PDE1C: variants seen among roughly 807,000 people sequenced by gnomAD.
PDE1C encodes dual specificity calcium/calmodulin-dependent 3',5'-cyclic nucleotide phosphodiesterase 1C.
A neutral mutation model predicts 93.1 loss-of-function variants in PDE1C; 62 were observed. That is an observed-to-expected ratio of 0.67 (90% CI 0.54 to 0.82). The LOEUF is 0.82. Ranked by LOEUF, PDE1C falls within the 40% of genes least tolerant of loss-of-function variation. The pLI is 0.00. For synonymous variants in PDE1C, 325 were observed against 310.1 expected (o/e 1.05, Z -0.50); for missense variants, 742 against 884.6 (o/e 0.84, Z 2.04).
At chr7:32,414,605 A>G (rs1451041582) in intron 1 of PDE1C, among the ~76,000 whole-genome samples, 1 of 152,162 alleles carries the variant, frequency 6.6e-6, no homozygotes, top group Non-Finnish European at 1.5e-5. Flanking sequence ...AGAAGTTGGC[A>G]TTTGGTAGCA....
At chr7:32,221,810 G>GT (rs1214129280) in intron 1 of PDE1C, among the ~76,000 whole-genome samples, 1 of 152,168 alleles carries the variant, frequency 6.6e-6, no homozygotes, top group African/African-American at 2.4e-5. Flanking sequence ...TTGATACTGT[G>GT]TAAGTGTGAG....
chr7:32,182,203 C>T (rs981092565), intron 2 of PDE1C, among the ~76,000 whole-genome samples: 1 of 152,174 alleles, frequency 6.6e-6, no homozygotes, highest in African/African-American at 2.4e-5. Flanking sequence ...GGATTCACAG[C>T]CGAATTCTAC....
At chr7:31,782,595 C>T (rs1256738772) in intron 16 of PDE1C, among the ~76,000 whole-genome samples, 7 of 152,154 alleles carry the variant, frequency 4.6e-5, no homozygotes, top group Admixed American at 4.6e-4. Context: ...TTCAGTATCA[C>T]CACTAGAGGG....
chr7:31,672,835 C>G, the PDE1C span, among the ~76,000 whole-genome samples: 1 of 152,146 alleles, frequency 6.6e-6, no homozygotes, highest in Non-Finnish European at 1.5e-5. Flanking sequence ...AATTATAATT[C>G]CCATGTGTCG....
chr7:31,994,456 C>G (rs1414735015), intron 2 of PDE1C, among the ~76,000 whole-genome samples: 1 of 152,090 alleles, frequency 6.6e-6, no homozygotes, highest in Non-Finnish European at 1.5e-5. Flanking sequence ...AGCCGGATGA[C>G]CCTATGACCT....
At chr7:32,025,698 C>T (rs916592330) in intron 2 of PDE1C, among the ~76,000 whole-genome samples, 3 of 152,160 alleles carry the variant, frequency 2.0e-5, no homozygotes, top group Non-Finnish European at 4.4e-5. Flanking sequence ...AGATCAGTTA[C>T]TGGCTGGCTC....
At chr7:32,298,768 A>C (rs2128901389) in exon 1 of PDE1C, 1 of 1,562,542 alleles carries the variant, frequency 6.4e-7, no homozygotes, top group Non-Finnish European at 8.6e-7. Context: ...CCTCGCAGCG[A>C]GACCAGCGGC....
chr7:32,419,603 T>C (rs1036102868), intron 1 of PDE1C, among the ~76,000 whole-genome samples: 14 of 152,302 alleles, frequency 9.2e-5, no homozygotes, highest in Admixed American at 2.6e-4. Flanking sequence ...CTAAAGAATG[T>C]TCCCAACCTT....
intron 2 of PDE1C, among the ~76,000 whole-genome samples, chr7:32,002,776 T>C (rs1785648261): frequency 6.6e-6 from 1 of 152,170 alleles, no homozygotes; most frequent in African/African-American, 2.4e-5. Flanking sequence ...TCCCTCTTCC[T>C]TTGAACTGGG....
intron 1 of PDE1C, among the ~76,000 whole-genome samples, chr7:32,052,824 T>A (rs1403433454): frequency 1.3e-5 from 2 of 152,216 alleles, no homozygotes; most frequent in African/African-American, 4.8e-5. Context: ...GATATCTATT[T>A]ACCTGAAAGG....
chr7:31,751,776 T>C lies in PDE1C; in HGVS notation c.*1608A>G, dbSNP rs1467922348. ...ATTATAAATAAACTGCCCAATAGCATGGTAGGCACTAAATTCCGGAACTTG... is the reference window on the plus strand; with the variant it reads ...ATTATAAATAAACTGCCCAATAGCACGGTAGGCACTAAATTCCGGAACTTG... On this transcript the variant is annotated 3_prime_UTR_variant, in exon 18 of 18. Coordinates refer to ENST00000396191, the MANE Select transcript of PDE1C (RefSeq NM_001191057.4). 1.3e-5 allele frequency: 2 copies of C among 152,176 alleles called. No homozygotes were observed. Among genetic ancestry groups the C allele is most frequent in the African/African-American group, 4.8e-5 (2 of 41,430 alleles). The allele number at this position is 152,176 out of a possible 1,614,324, so 9.4% of individuals were successfully genotyped here. A position where few individuals can be genotyped will look rare whatever the true frequency, so the allele number is the denominator to read the frequency against.
intron 1 of PDE1C, among the ~76,000 whole-genome samples, chr7:32,318,748 T>G (rs1783223808): frequency 6.6e-6 from 1 of 152,158 alleles, no homozygotes. Flanking sequence ...GACATTAAGA[T>G]GCATTACATT....
chr7:32,071,088 G>C (rs1298987039), upstream of PDE1C: 1 of 985,368 alleles, frequency 1.0e-6, no homozygotes, highest in Non-Finnish European at 1.2e-6. Flanking sequence ...GGGCGCGCGG[G>C]CACCGCCGTC....
chr7:32,165,224 G>C (rs528245494), intron 3 of PDE1C, among the ~76,000 whole-genome samples: 3 of 152,288 alleles, frequency 2.0e-5, no homozygotes, highest in African/African-American at 7.2e-5. Flanking sequence ...ATTCCAGTGA[G>C]TGCTGAGCAC....
At chr7:31,842,037 T>C (rs897095970) in intron 9 of PDE1C, among the ~76,000 whole-genome samples, 3 of 152,140 alleles carry the variant, frequency 2.0e-5, no homozygotes, top group Non-Finnish European at 4.4e-5. Flanking sequence ...CTTTACTCAG[T>C]CTACCCTCTT....
intron 1 of PDE1C, among the ~76,000 whole-genome samples, chr7:32,281,115 A>G (rs1396838512): frequency 6.6e-6 from 1 of 152,206 alleles, no homozygotes; most frequent in Non-Finnish European, 1.5e-5. Flanking sequence ...GGGAAAAAAC[A>G]ATTAAATCTC....
chr7:32,335,708 GT>G (rs1010902697), intron 1 of PDE1C, among the ~76,000 whole-genome samples: 8 of 132,198 alleles, frequency 6.1e-5, no homozygotes, highest in Admixed American at 1.4e-4. Context: ...CTCTGTTTTT[GT>G]TTTTTTGTTT....
the PDE1C span, among the ~76,000 whole-genome samples, chr7:31,634,270 T>C: frequency 6.6e-6 from 1 of 152,212 alleles, no homozygotes; most frequent in Non-Finnish European, 1.5e-5. Context: ...AATGGTAATT[T>C]CTAATTAATA....
chr7:31,854,626 C>T (rs933021674), intron 7 of PDE1C, among the ~76,000 whole-genome samples: 1 of 152,130 alleles, frequency 6.6e-6, no homozygotes, highest in African/African-American at 2.4e-5. Context: ...CAGAGGAAAC[C>T]TGAAGGGAAA....
Sources: gnomAD v4.1 joint callset for allele counts (sites outside exome capture counted in the v4.1 genomes callset) on GRCh38, gnomAD v4.1.1 for gene constraint, MANE v1.5 for transcripts, NCBI Gene and HGNC (gene_info 2026-07-23, HGNC 2026-07-21) for gene names.